Variants in G2E3 observed in about 807,000 individuals in gnomAD.
The protein encoded by G2E3 is G2/M phase-specific E3 ubiquitin-protein ligase.
Under a neutral mutation model 92.8 loss-of-function variants are expected in G2E3, and 35 were observed. That is an observed-to-expected ratio of 0.38 (90% CI 0.29 to 0.50). The LOEUF (loss-of-function observed/expected upper bound fraction) is 0.50, where lower values mean the gene tolerates loss of function less well. Among genes scored for constraint, G2E3 ranks in the 20% least tolerant of loss-of-function variants. G2E3 has a pLI of 0.94. For missense variants in G2E3, 554 were observed against 823.8 expected (o/e 0.67, Z 4.01); for synonymous variants, 242 against 272.4 (o/e 0.89, Z 1.10).
chr14:30,573,234 C>T (rs1439260857), intron 1 of G2E3, among the ~76,000 whole-genome samples: 1 of 152,030 alleles, frequency 6.6e-6, no homozygotes, highest in Non-Finnish European at 1.5e-5. Context: ...CATTGAATGT[C>T]TTTCTTCTAA....
In G2E3 at chr14:30,596,739, C is replaced by T. The variant is rs180691075; in HGVS notation, c.529-681C>T. Reference sequence around the variant, plus strand: ...CCTACTCACTAGAATTCCTTGAAGTCGAAGCTGTCATGTTTTTTGGTACAT... The same window carrying T: ...CCTACTCACTAGAATTCCTTGAAGTTGAAGCTGTCATGTTTTTTGGTACAT... On this transcript the variant is annotated intron_variant, in intron 6 of 14. Coordinates refer to ENST00000206595, the MANE Select transcript of G2E3 (RefSeq NM_017769.5). Among the ~76,000 whole-genome samples, 6 of 152,212 alleles carry T rather than the reference C, an allele frequency of 3.9e-5. No homozygotes were observed. The East Asian group carries it at 9.6e-4, about 24-fold the overall frequency.
chr14:30,597,441 G>C lies in G2E3; in HGVS notation c.550G>C (p.Val184Leu). Reference sequence around the variant, plus strand: ...GTAGGTTCAAGCAATAAATGCGGGAGTGTTTTTCTTTAGGTGTACAATATG... The same window carrying C: ...GTAGGTTCAAGCAATAAATGCGGGACTGTTTTTCTTTAGGTGTACAATATG... ...CLQVQAINAG[V>L]FFFRCTICNN... The change falls in exon 7 of 15, where the codon GTG becomes CTG. Residue 184 changes from valine to leucine, a missense_variant. Transcript: ENST00000206595. 6.3e-7 allele frequency: 1 copy of C among 1,583,494 alleles called. No individual in the cohort carries two copies. The highest frequency in any genetic ancestry group is 1.1e-5 in the South Asian group (1 of 90,388).
intron 1 of G2E3, among the ~76,000 whole-genome samples, chr14:30,569,845 C>A (rs1394625881): frequency 6.6e-6 from 1 of 152,196 alleles, no homozygotes; most frequent in South Asian, 2.1e-4. Flanking sequence ...GAAGAAATTC[C>A]TGACATTCCC....
intron 1 of G2E3, among the ~76,000 whole-genome samples, chr14:30,577,494 T>C (rs1200946001): frequency 6.6e-6 from 1 of 152,206 alleles, no homozygotes; most frequent in Non-Finnish European, 1.5e-5. Flanking sequence ...GCTCTCAGGC[T>C]GTTAGCCAAA....
At chr14:30,607,770 C>T in intron 11 of G2E3, 118 bp from the exon 12 acceptor site, 1 of 524,628 alleles carries the variant, frequency 1.9e-6, no homozygotes, top group East Asian at 3.2e-5. Flanking sequence ...ATAATGATAG[C>T]TTCTAAGAAT....
At chr14:30,579,829 T>C (rs778438657) in intron 1 of G2E3, among the ~76,000 whole-genome samples, 34 of 152,324 alleles carry the variant, frequency 2.2e-4, no homozygotes, top group Non-Finnish European at 3.5e-4. Flanking sequence ...AGTGGCATTA[T>C]TATGTTTTAT....
chr14:30,598,356 C>T, intron 7 of G2E3, 127 bp from the exon 8 acceptor site: 2 of 627,776 alleles, frequency 3.2e-6, no homozygotes, highest in Non-Finnish European at 5.6e-6. Context: ...CACTGTACTC[C>T]AGCCTGGGCG....
At chr14:30,563,915 C>T (rs757410880) in intron 1 of G2E3, among the ~76,000 whole-genome samples, 52 of 152,094 alleles carry the variant, frequency 3.4e-4, no homozygotes, top group Non-Finnish European at 6.0e-4. Flanking sequence ...GACAGGGTTT[C>T]GCCATGTTGG....
rs760810997 is a variant in G2E3, at chr14:30,602,097, C to G, written c.976C>G (p.Gln326Glu). The change falls in exon 10 of 15, where the codon CAG becomes GAG. Residue 326 changes from glutamine (Q) to glutamate (E), a missense_variant. By Grantham distance (29) the Gln-to-Glu change is conservative. Coordinates refer to ENST00000206595, the MANE Select transcript of G2E3 (RefSeq NM_017769.5). ...LEESSPKLPR[Q>E]SPGSQSKDLL... Reference sequence around the variant, plus strand: ...AGAGTCATCACCTAAATTACCCAGACAGTCACCTGGATCCCAGAGTAAAGA... The same window carrying G: ...AGAGTCATCACCTAAATTACCCAGAGAGTCACCTGGATCCCAGAGTAAAGA... 5 of 1,610,240 alleles carry G rather than the reference C, an allele frequency of 3.1e-6. No individual in the cohort carries two copies. Among genetic ancestry groups the G allele is most frequent in the Non-Finnish European group, 4.2e-6 (5 of 1,176,952 alleles).
chr14:30,602,445 A>G (rs993451820), intron 10 of G2E3, among the ~76,000 whole-genome samples: 1 of 152,106 alleles, frequency 6.6e-6, no homozygotes, highest in Non-Finnish European at 1.5e-5. Flanking sequence ...GATGTAAAAT[A>G]TATTTTTTAT....
Position 30,584,776 on chromosome 14 carries a change from C to T in G2E3, c.38-1942C>T, listed in dbSNP as rs147525085. Among the ~76,000 whole-genome samples the T allele has an allele frequency of 8.7e-4, 128 of 147,738 alleles. 1 individual carries two copies. Among genetic ancestry groups the T allele is most frequent in the African/African-American group, 3.1e-3 (122 of 39,942 alleles). On this transcript the variant is annotated intron_variant, in intron 2 of 14. Transcript: ENST00000206595. The stretch of plus-strand genomic sequence containing the variant: ...TCAGAGTTTTTTTAATGCATCCTGG[C>T]TACTAGACCTTTAGATGTGTAGAGT...
chr14:30,590,465 A>G (rs1232961127), intron 4 of G2E3: 1 of 328,502 alleles, frequency 3.0e-6, no homozygotes, highest in East Asian at 7.7e-5. Flanking sequence ...AATATTCAAC[A>G]GAGAACTAAA....
At position 30,615,508 on chromosome 14, in the gene G2E3, G is replaced by A; in HGVS notation, c.1833G>A (p.Gly611=). The change falls in exon 14 of 15, where the codon GGG becomes GGA. Residue 611 remains glycine (G), a synonymous_variant. Coordinates refer to ENST00000206595, the MANE Select transcript of G2E3 (RefSeq NM_017769.5). Reference sequence around the variant, plus strand: ...CATTACCTGATGTGAAAGCTTTGGGGTTTTGGAACAGTTACTTACAGGCTG... The same window carrying A: ...CATTACCTGATGTGAAAGCTTTGGGATTTTGGAACAGTTACTTACAGGCTG... ...VHTLPDVKAL[G]FWNSYLQAVE... is the part of the protein sequence containing the mutation. 1 of 1,600,740 alleles carries A rather than the reference G, an allele frequency of 6.2e-7. No individual in the cohort carries two copies. The highest frequency in any genetic ancestry group is 8.5e-7 in the Non-Finnish European group (1 of 1,175,058).
intron 6 of G2E3, among the ~76,000 whole-genome samples, 156 bp downstream of exon 6, chr14:30,593,795 A>C (rs1045317373): frequency 3.3e-5 from 5 of 152,194 alleles, no homozygotes; most frequent in Admixed American, 6.5e-5. Flanking sequence ...CAGATTTTAC[A>C]TACAAAATTC....
At chr14:30,580,481 C>T (rs998447299) in intron 1 of G2E3, among the ~76,000 whole-genome samples, 2 of 152,208 alleles carry the variant, frequency 1.3e-5, no homozygotes, top group African/African-American at 2.4e-5. Context: ...GCTGGGATTA[C>T]AGGTGTGAGC....
At position 30,603,898 on chromosome 14, in the gene G2E3, A is replaced by G. The variant is rs374998846; in HGVS notation, c.1011-1607A>G. ...GATAGTAAAGAGAATTTTTGTGAAA[A>G]CATTTGATAACTGGATTTGCAGACA... On this transcript the variant is annotated intron_variant, in intron 10 of 14. Coordinates refer to ENST00000206595, the MANE Select transcript of G2E3 (RefSeq NM_017769.5). Among the ~76,000 whole-genome samples the G allele has an allele frequency of 2.0e-4, 30 of 152,292 alleles. No individual in the cohort carries two copies. The South Asian group carries it at 6.0e-3, about 30-fold the overall frequency.
In G2E3 at chr14:30,617,916, C is replaced by T. The variant is rs1039391385; in HGVS notation, c.*1382C>T. The T allele has an allele frequency of 4.4e-5, 4 of 91,722 alleles. No homozygotes were observed. Among genetic ancestry groups the T allele is most frequent in the Non-Finnish European group, 6.0e-5 (3 of 50,384 alleles). The allele number at this position is 91,722 out of a possible 1,614,324, so 5.7% of individuals were successfully genotyped here. A position where few individuals can be genotyped will look rare whatever the true frequency, so the allele number is the denominator to read the frequency against. Reference sequence around the variant, plus strand: ...AACATATTTAAATGATATAATGGTTCAGTTTTCCATGAAAGTAAATCATTA... The same window carrying T: ...AACATATTTAAATGATATAATGGTTTAGTTTTCCATGAAAGTAAATCATTA... On this transcript the variant is annotated 3_prime_UTR_variant, in exon 15 of 15. Transcript: ENST00000206595.
intron 10 of G2E3, 86 bp from the exon 11 acceptor site, chr14:30,605,419 C>T (rs916843584): frequency 1.4e-5 from 7 of 502,372 alleles, no homozygotes; most frequent in Non-Finnish European, 2.1e-5. Flanking sequence ...TTTTTCCCCT[C>T]GTCTTGTTTT....
intron 1 of G2E3, among the ~76,000 whole-genome samples, chr14:30,579,894 A>G (rs1292505102): frequency 6.6e-6 from 1 of 152,240 alleles, no homozygotes; most frequent in Non-Finnish European, 1.5e-5. Context: ...AAATCTCATT[A>G]ACATTTCTAG....
Sources: allele counts gnomAD v4.1 joint callset (sites outside exome capture counted in the v4.1 genomes callset), GRCh38; gene constraint gnomAD v4.1.1; transcripts MANE v1.5; gene names NCBI Gene and HGNC (gene_info 2026-07-23, HGNC 2026-07-21).